PXN: variants seen among roughly 807,000 people sequenced by gnomAD.
PXN encodes paxillin.
Under a neutral mutation model 103.6 loss-of-function variants are expected in PXN, and 61 were observed. That is an observed-to-expected ratio of 0.59 (90% confidence interval 0.48 to 0.73). PXN has a LOEUF of 0.73. Ranked by LOEUF, PXN falls within the 30% of genes least tolerant of loss-of-function variation. The probability of loss-of-function intolerance (pLI) is 0.00; values close to 1 mark genes in which losing one functional copy is unlikely to be tolerated. For synonymous variants in PXN, 562 were observed against 607.8 expected (o/e 0.92, Z 1.11); for missense variants, 1,274 against 1,460.3 (o/e 0.87, Z 2.08).
Position 120,216,020 on chromosome 12 carries a change from G to C in PXN, c.2301+253C>G. The C allele has an allele frequency of 7.4e-7, 1 of 1,347,002 alleles. No individual in the cohort carries two copies. Among genetic ancestry groups the C allele is most frequent in the East Asian group, 2.8e-5 (1 of 35,600 alleles). The allele number at this position is 1,347,002 out of a possible 1,614,324, so 83.4% of individuals were successfully genotyped here. ...CTTTCCTCGATGGGAGCCCGGGGCA[G>C]TACTGAGGACCAGTCGAGGAAGGAG... On this transcript the variant is annotated intron_variant, in intron 9 of 14. Coordinates refer to ENST00000637617, the MANE Select transcript of PXN (RefSeq NM_001385981.1). This position sits in a 1 kb window ranked among gnomAD's most constrained non-coding sequence, Gnocchi z 5.1.
intron 1 of PXN, among the ~76,000 whole-genome samples, chr12:120,245,865 T>C (rs924155507): frequency 6.6e-6 from 1 of 150,996 alleles, no homozygotes; most frequent in Non-Finnish European, 1.5e-5. Context: ...GACTACATAG[T>C]ACGGGTTTCA....
Position 120,221,606 on chromosome 12 carries a change from G to A in PXN, c.831+17C>T. On this transcript the variant is annotated intron_variant, in intron 6 of 14. Transcript: ENST00000637617. This position sits in a 1 kb window ranked among gnomAD's most constrained non-coding sequence, Gnocchi z 6.6. ...GAGGGGCGGCAGGGCAGGGAAGATG[G>A]AGGGTTCACAGGGCACCTTGAAATC... 1 of 1,556,422 alleles carries A rather than the reference G, an allele frequency of 6.4e-7. No homozygotes were observed.
Position 120,215,919 on chromosome 12 carries a change from T to C in PXN, c.2302-258A>G, listed in dbSNP as rs767665919. On this transcript the variant is annotated intron_variant, in intron 9 of 14. Coordinates refer to ENST00000637617, the MANE Select transcript of PXN (RefSeq NM_001385981.1). This position sits in a 1 kb window ranked among gnomAD's most constrained non-coding sequence, Gnocchi z 4.9. ...AAGGGGAGGTGGCCGGGCTCAGTGA[T>C]GAGGCCTCACCGGGCGCTGGGCCTG... 3.5e-5 allele frequency: 49 copies of C among 1,393,982 alleles called. No individual in the cohort carries two copies. The African/African-American group carries it at 6.9e-4, about 20-fold the overall frequency. 86.4% of individuals were successfully genotyped at this position (1,393,982 alleles called of 1,614,324 possible).
In PXN at chr12:120,224,607, A is replaced by G; in HGVS notation, c.14-230T>C. 1.4e-6 allele frequency: 1 copy of G among 691,440 alleles called. No homozygotes were observed. The highest frequency in any genetic ancestry group is 2.6e-6 in the Non-Finnish European group (1 of 378,224). The allele number at this position is 691,440 out of a possible 1,614,324, so 42.8% of individuals were successfully genotyped here. ...CCACCCAGGACTGAAAGTGCTCTAG[A>G]GGCGGGCTCTGGGGCTGCCCTGTGG... is the stretch of plus-strand genomic sequence containing the variant. On this transcript the variant is annotated intron_variant, in intron 1 of 14. Coordinates refer to ENST00000637617, the MANE Select transcript of PXN (RefSeq NM_001385981.1). This position sits in a 1 kb window ranked among gnomAD's most constrained non-coding sequence, Gnocchi z 5.0.
chr12:120,263,480 A>G (rs1282529453), intron 1 of PXN, among the ~76,000 whole-genome samples: 1 of 152,188 alleles, frequency 6.6e-6, no homozygotes, highest in African/African-American at 2.4e-5. Flanking sequence ...TCCCCAGGAA[A>G]AAAAGTCTTC....
rs1022292289 is a variant in PXN at position 120,213,606 on chromosome 12, C to T, written c.2979+236G>A. On this transcript the variant is annotated intron_variant, in intron 14 of 14. Coordinates refer to ENST00000637617, the MANE Select transcript of PXN (RefSeq NM_001385981.1). This position sits in a 1 kb window ranked among gnomAD's most constrained non-coding sequence, Gnocchi z 4.2. ...CTCCCAAATAGGAATGGCCCAGGGC[C>T]GCTGCACAGGGCTGGACTGGGGGAC... Among the ~76,000 whole-genome samples, 11 of 152,216 alleles carry T rather than the reference C, an allele frequency of 7.2e-5. No homozygotes were observed. The highest frequency in any genetic ancestry group is 1.0e-4 in the Non-Finnish European group (7 of 68,048).
chr12:120,229,116 G>A lies in PXN; in HGVS notation c.14-4739C>T, dbSNP rs1887506903. 6.6e-6 allele frequency among the ~76,000 whole-genome samples: 1 copy of A among 152,174 alleles called. No individual in the cohort carries two copies. Among genetic ancestry groups the A allele is most frequent in the African/African-American group, 2.4e-5 (1 of 41,436 alleles). On this transcript the variant is annotated intron_variant, in intron 1 of 14. Coordinates refer to ENST00000637617, the MANE Select transcript of PXN (RefSeq NM_001385981.1). This position sits in a 1 kb window ranked among gnomAD's most constrained non-coding sequence, Gnocchi z 4.0. ...CCTCACATTCCTGTACCCACCTAGG[G>A]GCTCCGGGTGGAAGGAAACCTGGGT...
chr12:120,244,170 T>C (rs941276825), intron 1 of PXN, among the ~76,000 whole-genome samples: 4 of 147,248 alleles, frequency 2.7e-5, no homozygotes, highest in Non-Finnish European at 6.0e-5. Flanking sequence ...TACTGTGATC[T>C]AGTTGCCACC....
chr12:120,222,075 T>A lies in PXN; in HGVS notation c.696-317A>T, dbSNP rs530010236. Among the ~76,000 whole-genome samples the A allele has an allele frequency of 6.6e-6, 1 of 152,318 alleles. No individual in the cohort carries two copies. Among genetic ancestry groups the A allele is most frequent in the African/African-American group, 2.4e-5 (1 of 41,570 alleles). Reference sequence around the variant, plus strand: ...GGCTACTGCAGTAACACGACGGCACTGGTAAGAGCTCGCGTGTTGGGCACT... The same window carrying A: ...GGCTACTGCAGTAACACGACGGCACAGGTAAGAGCTCGCGTGTTGGGCACT... On this transcript the variant is annotated intron_variant, in intron 5 of 14. Coordinates refer to ENST00000637617, the MANE Select transcript of PXN (RefSeq NM_001385981.1). This position sits in a 1 kb window ranked among gnomAD's most constrained non-coding sequence, Gnocchi z 4.7.
rs776813704 is a variant in PXN at position 120,213,911 on chromosome 12, G to T, written c.2910C>A (p.Ala970=). The T allele has an allele frequency of 6.2e-7, 1 of 1,611,178 alleles. No individual in the cohort carries two copies. Among genetic ancestry groups the T allele is most frequent in the East Asian group, 2.2e-5 (1 of 44,816 alleles). ...DMFAPKCGGC[A]RAILENYISA... is the part of the protein sequence containing the mutation. ...AGATATAGTTCTCCAGGATGGCCCG[G>T]GCGCAGCCGCCACACTTGGGTGCGA... Residue 970 remains alanine (A), a synonymous_variant, in exon 14 of 15, where the codon GCC becomes GCA. Coordinates refer to ENST00000637617, the MANE Select transcript of PXN (RefSeq NM_001385981.1). The surrounding 1 kb of genome is among the most constrained non-coding windows in gnomAD (Gnocchi z 4.2).
In PXN at chr12:120,216,848, A is replaced by G. The variant is rs1232739074; in HGVS notation, c.1985T>C (p.Val662Ala). The stretch of plus-strand genomic sequence containing the variant: ...TGGGCATCTCCTCGCCACCTTCTCT[A>G]CGAGCTGCCCCCCGGCCCGCTTCCC... ...PRGKRAGGQL[V>A]EKVVFPPGSP... Residue 662 changes from valine to alanine, a missense_variant, in exon 8 of 15, where the codon GTA becomes GCA. By Grantham distance (64) the Val-to-Ala change is moderately conservative (BLOSUM62 0). Transcript: ENST00000637617. The surrounding 1 kb of genome is among the most constrained non-coding windows in gnomAD (Gnocchi z 5.1). 2.0e-6 allele frequency: 3 copies of G among 1,523,402 alleles called. No individual in the cohort carries two copies. The East Asian group carries it at 7.1e-5, about 36-fold the overall frequency. The allele number at this position is 1,523,402 out of a possible 1,614,324, so 94.4% of individuals were successfully genotyped here.
chr12:120,222,646 C>T lies in PXN; in HGVS notation c.598G>A (p.Glu200Lys), dbSNP rs756000211. 1.2e-6 allele frequency: 2 copies of T among 1,608,956 alleles called. No homozygotes were observed. Among genetic ancestry groups the T allele is most frequent in the African/African-American group, 1.3e-5 (1 of 74,880 alleles). The change falls in exon 5 of 15, where the codon GAG (glutamate) becomes AAG (lysine). Residue 200 changes from glutamate (E) to lysine (K), a missense_variant. Glu to Lys is a moderately conservative substitution (Grantham distance 56, BLOSUM62 1). This residue lies in a region of PXN where 1,178 missense variants were observed against 1,309.0 expected (regional missense o/e 0.90). Coordinates refer to ENST00000637617, the MANE Select transcript of PXN (RefSeq NM_001385981.1). The surrounding 1 kb of genome is among the most constrained non-coding windows in gnomAD (Gnocchi z 4.7). ...CGGCCCCCATTCCGCTTAGGCTTCT[C>T]TTTCGTCAGGGGCCCAGCTTTGCCT... ...LGGKAGPLTK[E>K]KPKRNGGRGL...
Position 120,214,233 on chromosome 12 carries a change from G to C in PXN, c.2749-16C>G. Reference sequence around the variant, plus strand: ...TCACCACTTTCTGTGAAAGCAAAATGTGGGATCAAGGCTGAGCTCTGGGCA... The same window carrying C: ...TCACCACTTTCTGTGAAAGCAAAATCTGGGATCAAGGCTGAGCTCTGGGCA... On this transcript the variant is annotated splice_polypyrimidine_tract_variant and intron_variant, in intron 12 of 14. Transcript: ENST00000637617. This position sits in a 1 kb window ranked among gnomAD's most constrained non-coding sequence, Gnocchi z 5.0. 1 of 1,549,186 alleles carries C rather than the reference G, an allele frequency of 6.5e-7. No homozygotes were observed. The highest frequency in any genetic ancestry group is 1.2e-5 in the South Asian group (1 of 84,020).
intron 1 of PXN, among the ~76,000 whole-genome samples, chr12:120,231,143 G>T (rs1887961735): frequency 6.6e-6 from 1 of 152,182 alleles, no homozygotes; most frequent in South Asian, 2.1e-4. Context: ...CCCCTCAGCG[G>T]ATCCTCTAAC....
rs751803102 is a variant in PXN at position 120,215,599 on chromosome 12, G to C, written c.2364C>G (p.Asp788Glu). Residue 788 changes from aspartate to glutamate, a missense_variant, in exon 10 of 15, where the codon GAC becomes GAG. Coordinates refer to ENST00000637617, the MANE Select transcript of PXN (RefSeq NM_001385981.1). The surrounding 1 kb of genome is among the most constrained non-coding windows in gnomAD (Gnocchi z 4.9). ...ERCWAAGWPR[D>E]GGRSSPGGQD... ...GCCCTCCGGGGCTGCTCCGCCCGCC[G>C]TCCCGAGGCCAGCCGGCCGCCCAGC... is the stretch of plus-strand genomic sequence containing the variant. 1 of 1,610,138 alleles carries C rather than the reference G, an allele frequency of 6.2e-7. No individual in the cohort carries two copies. Among genetic ancestry groups the C allele is most frequent in the South Asian group, 1.1e-5 (1 of 90,916 alleles).
chr12:120,222,084 C>T lies in PXN; in HGVS notation c.696-326G>A, dbSNP rs1187503939. On this transcript the variant is annotated intron_variant, in intron 5 of 14. Transcript: ENST00000637617. The surrounding 1 kb of genome is among the most constrained non-coding windows in gnomAD (Gnocchi z 4.7). ...AGTAACACGACGGCACTGGTAAGAG[C>T]TCGCGTGTTGGGCACTCACCATGTG... Among the ~76,000 whole-genome samples, 1 of 152,212 alleles carries T rather than the reference C, an allele frequency of 6.6e-6. No individual in the cohort carries two copies. Among genetic ancestry groups the T allele is most frequent in the Non-Finnish European group, 1.5e-5 (1 of 68,028 alleles).
chr12:120,262,192 A>G (rs1422559744), intron 1 of PXN, among the ~76,000 whole-genome samples: 1 of 152,150 alleles, frequency 6.6e-6, no homozygotes. Context: ...ACAATGAGGC[A>G]CTGTTTTCCA....
rs1402388894 is a variant in PXN, at chr12:120,225,577, A to T, written c.14-1200T>A. ...AGCCGGGCTTGGAGAGGCAGAGGTC[A>T]GAGGTGTTTGCTCCAAATAACAAAG... On this transcript the variant is annotated intron_variant, in intron 1 of 14. Coordinates refer to ENST00000637617, the MANE Select transcript of PXN (RefSeq NM_001385981.1). This position sits in a 1 kb window ranked among gnomAD's most constrained non-coding sequence, Gnocchi z 4.4. Among the ~76,000 whole-genome samples the T allele has an allele frequency of 1.3e-5, 2 of 152,192 alleles. No individual in the cohort carries two copies. The highest frequency in any genetic ancestry group is 2.9e-5 in the Non-Finnish European group (2 of 68,024).
Position 120,214,804 on chromosome 12 carries a change from G to A in PXN, c.2748+21C>T, listed in dbSNP as rs774881093. The A allele has an allele frequency of 2.2e-5, 36 of 1,612,754 alleles. No homozygotes were observed. The highest frequency in any genetic ancestry group is 1.1e-5 in the South Asian group (1 of 91,072). On this transcript the variant is annotated intron_variant, in intron 12 of 14. Coordinates refer to ENST00000637617, the MANE Select transcript of PXN (RefSeq NM_001385981.1). The surrounding 1 kb of genome is among the most constrained non-coding windows in gnomAD (Gnocchi z 5.0). ...AGCTGGAATGAGCGGAAGCGGGCGC[G>A]GTGCCGGATGAGGAACTCACATCCA...
Sources: gnomAD v4.1 joint callset for allele counts (sites outside exome capture counted in the v4.1 genomes callset) on GRCh38, gnomAD v4.1.1 for gene constraint, gnomAD v4.1.1 regional missense constraint, Gnocchi (gnomAD v3.1) non-coding constraint, MANE v1.5 for transcripts, NCBI Gene and HGNC (gene_info 2026-07-23, HGNC 2026-07-21) for gene names.